Variants in SH3GL2 observed in about 807,000 individuals in gnomAD.
The protein encoded by SH3GL2 is SH3 domain containing GRB2 like 2, endophilin A1.
A neutral mutation model predicts 46.0 loss-of-function variants in SH3GL2; 24 were observed. The ratio of observed to expected loss-of-function variants is 0.52; its 90% confidence interval spans 0.38 to 0.73. The LOEUF (loss-of-function observed/expected upper bound fraction) is 0.73. SH3GL2 is among the 30% of genes least tolerant of loss of function. SH3GL2 has a pLI of 0.00. For missense variants in SH3GL2, 413 were observed against 424.2 expected (o/e 0.97, Z 0.23); for synonymous variants, 196 against 147.1 (o/e 1.33, Z -2.40).
chr9:17,674,496 C>T (rs558540188), intron 1 of SH3GL2, among the ~76,000 whole-genome samples: 1 of 152,146 alleles, frequency 6.6e-6, no homozygotes, highest in Admixed American at 6.5e-5. Flanking sequence ...AAATTCCTGA[C>T]CTCAAACAAT....
chr9:17,619,042 A>G (rs1364354799), intron 1 of SH3GL2, among the ~76,000 whole-genome samples: 1 of 152,212 alleles, frequency 6.6e-6, no homozygotes, highest in Non-Finnish European at 1.5e-5. Flanking sequence ...AACCAACTGT[A>G]TGGTACTTAA....
At position 17,779,995 on chromosome 9, in the gene SH3GL2, T is replaced by G. The variant is rs111602565; in HGVS notation, c.188-6386T>G. Among the ~76,000 whole-genome samples the G allele has an allele frequency of 1.0e-3, 159 of 152,312 alleles. 1 individual carries two copies. The highest frequency in any genetic ancestry group is 3.5e-3 in the African/African-American group (145 of 41,572). ...AGTGGTTCTCAACCTTGGCTGCACA[T>G]TAGAATCGCCTTTGGGATTTTAAAA... On this transcript the variant is annotated intron_variant, in intron 3 of 8. Transcript: ENST00000380607.
At chr9:17,645,246 CAT>C (rs1438899113) in intron 1 of SH3GL2, among the ~76,000 whole-genome samples, 3 of 137,556 alleles carry the variant, frequency 2.2e-5, no homozygotes, top group Non-Finnish European at 4.6e-5. Flanking sequence ...TGCTTTTGCA[CAT>C]GAGATGGGTC....
At chr9:17,725,751 T>C (rs959758566) in intron 1 of SH3GL2, among the ~76,000 whole-genome samples, 1 of 152,170 alleles carries the variant, frequency 6.6e-6, no homozygotes, top group African/African-American at 2.4e-5. Flanking sequence ...AAATGGGAAC[T>C]GAATGGGGAA....
intron 1 of SH3GL2, among the ~76,000 whole-genome samples, chr9:17,708,338 T>G (rs986216868): frequency 6.6e-6 from 1 of 152,038 alleles, no homozygotes; most frequent in African/African-American, 2.4e-5. Context: ...ATTATCACGC[T>G]TTATATATTT....
intron 1 of SH3GL2, among the ~76,000 whole-genome samples, chr9:17,736,323 C>T (rs1822334126): frequency 6.6e-6 from 1 of 152,012 alleles, no homozygotes; most frequent in African/African-American, 2.4e-5. Context: ...ATCCATCTTT[C>T]TGAGTTTTGT....
At chr9:17,606,331 T>TCCGC (rs895756234) in intron 1 of SH3GL2, among the ~76,000 whole-genome samples, 7 of 152,092 alleles carry the variant, frequency 4.6e-5, no homozygotes, top group African/African-American at 1.7e-4. Flanking sequence ...GACCTCATGA[T>TCCGC]CCGCCCGCCT....
intron 2 of SH3GL2, among the ~76,000 whole-genome samples, chr9:17,756,762 T>G (rs549487087): frequency 6.6e-6 from 1 of 152,196 alleles, no homozygotes; most frequent in African/African-American, 2.4e-5. Flanking sequence ...TCTTTGCTGT[T>G]GTGAATAGTG....
At chr9:17,636,709 T>C (rs1040078016) in intron 1 of SH3GL2, among the ~76,000 whole-genome samples, 5 of 152,182 alleles carry the variant, frequency 3.3e-5, no homozygotes, top group Non-Finnish European at 5.9e-5. Context: ...TTGGAAATGA[T>C]TTTAAGTGGA....
intron 3 of SH3GL2, among the ~76,000 whole-genome samples, chr9:17,762,599 T>G (rs984205389): frequency 2.6e-5 from 4 of 152,080 alleles, no homozygotes; most frequent in African/African-American, 9.7e-5. Context: ...TTGCTGTTGT[T>G]TTTGTTCATA....
chr9:17,738,074 A>G (rs769880343), intron 1 of SH3GL2, among the ~76,000 whole-genome samples: 7 of 152,048 alleles, frequency 4.6e-5, no homozygotes, highest in African/African-American at 7.2e-5. Flanking sequence ...ATTTGTTTAT[A>G]TATACAGTCA....
intron 1 of SH3GL2, among the ~76,000 whole-genome samples, chr9:17,744,271 G>C (rs1822617010): frequency 6.6e-6 from 1 of 152,054 alleles, no homozygotes; most frequent in Non-Finnish European, 1.5e-5. Context: ...AAATTGGTTT[G>C]GTGATAGGGA....
chr9:17,793,299 AT>A, intron 7 of SH3GL2, 67 bp from the exon 8 acceptor site: 1 of 1,398,184 alleles, frequency 7.2e-7, no homozygotes, highest in Middle Eastern at 2.3e-4. Flanking sequence ...CTGAATCTTT[AT>A]ATTTGCTTTT....
chr9:17,641,953 C>A (rs1395240321), intron 1 of SH3GL2, among the ~76,000 whole-genome samples: 1 of 152,080 alleles, frequency 6.6e-6, no homozygotes, highest in African/African-American at 2.4e-5. Flanking sequence ...TGGGTATATA[C>A]CCACTAATGG....
chr9:17,583,752 C>A (rs1480125283), intron 1 of SH3GL2, among the ~76,000 whole-genome samples: 2 of 152,056 alleles, frequency 1.3e-5, no homozygotes, highest in Admixed American at 1.3e-4. Flanking sequence ...GGGAAAATTT[C>A]ATCATGTTTG....
At chr9:17,772,058 A>G (rs1193021806) in intron 3 of SH3GL2, among the ~76,000 whole-genome samples, 2 of 152,240 alleles carry the variant, frequency 1.3e-5, no homozygotes, top group Admixed American at 6.5e-5. Context: ...GCACATTGGT[A>G]TCAGTGCAGA....
At position 17,774,944 on chromosome 9, in the gene SH3GL2, T is replaced by G. The variant is rs564851158; in HGVS notation, c.188-11437T>G. Reference sequence around the variant, plus strand: ...TTTTTGTTGGGAGATTTTTGATTACTGATTCAATCTTCTTACTAATGATAG... The same window carrying G: ...TTTTTGTTGGGAGATTTTTGATTACGGATTCAATCTTCTTACTAATGATAG... On this transcript the variant is annotated intron_variant, in intron 3 of 8. Transcript: ENST00000380607. Among the ~76,000 whole-genome samples the G allele has an allele frequency of 5.3e-5, 8 of 152,316 alleles. No homozygotes were observed. The South Asian group carries it at 8.3e-4, about 16-fold the overall frequency.
At chr9:17,774,453 T>C (rs1823581842) in intron 3 of SH3GL2, among the ~76,000 whole-genome samples, 1 of 152,076 alleles carries the variant, frequency 6.6e-6, no homozygotes, top group Non-Finnish European at 1.5e-5. Flanking sequence ...CATGTTGAGG[T>C]AATTTCTTCC....
chr9:17,694,659 A>C (rs7858680), intron 1 of SH3GL2, among the ~76,000 whole-genome samples: 4,422 of 152,256 alleles, frequency 0.029, 211 homozygotes, highest in African/African-American at 0.1. Context: ...AGTTGAGGGT[A>C]TGAATGTTGG....
Sources: allele counts gnomAD v4.1 joint callset (sites outside exome capture counted in the v4.1 genomes callset), GRCh38; gene constraint gnomAD v4.1.1; transcripts MANE v1.5; gene names NCBI Gene and HGNC (gene_info 2026-07-23, HGNC 2026-07-21).